ARHGEF11: variants seen among roughly 807,000 people sequenced by gnomAD.
ARHGEF11 encodes Rho guanine exchange factor (GEF) 11.
In ARHGEF11, 55 loss-of-function variants were observed where a neutral mutation model predicts 193.7. The ratio of observed to expected loss-of-function variants is 0.28; its 90% confidence interval spans 0.23 to 0.36. The LOEUF (loss-of-function observed/expected upper bound fraction) is 0.36, where lower values mean the gene tolerates loss of function less well. ARHGEF11 is among the 10% of genes least tolerant of loss of function. The probability of loss-of-function intolerance (pLI) is 1.00; values close to 1 mark genes in which losing one functional copy is unlikely to be tolerated. For synonymous variants in ARHGEF11, 693 were observed against 768.0 expected (o/e 0.90, Z 1.62); for missense variants, 1,723 against 2,005.6 (o/e 0.86, Z 2.69).
chr1:156,995,960 T>C (rs549310531), intron 1 of ARHGEF11, among the ~76,000 whole-genome samples: 2 of 152,290 alleles, frequency 1.3e-5, no homozygotes, highest in South Asian at 2.1e-4. Context: ...AATAAATATG[T>C]GTTGGAAGAT....
At chr1:156,944,216 C>T (rs933404737) in intron 31 of ARHGEF11, 114 bp from the exon 32 acceptor site, 1 of 1,437,542 alleles carries the variant, frequency 7.0e-7, no homozygotes, top group African/African-American at 1.4e-5. Flanking sequence ...GTCTGGTGAC[C>T]CCATTTCTCT....
chr1:156,950,798 C>T (rs1658971377), intron 22 of ARHGEF11, among the ~76,000 whole-genome samples: 1 of 152,210 alleles, frequency 6.6e-6, no homozygotes, highest in Non-Finnish European at 1.5e-5. Context: ...TTATTTCCCC[C>T]CACACAAGAC....
chr1:156,950,554 C>T (rs1054758186), intron 22 of ARHGEF11, among the ~76,000 whole-genome samples: 21 of 152,108 alleles, frequency 1.4e-4, no homozygotes, highest in African/African-American at 5.1e-4. Context: ...GTGGGAGGAT[C>T]CCTTGAACCC....
chr1:156,979,777 G>A (rs903746046), intron 4 of ARHGEF11, among the ~76,000 whole-genome samples: 1 of 152,206 alleles, frequency 6.6e-6, no homozygotes, highest in Non-Finnish European at 1.5e-5. Flanking sequence ...TATTTGTTCT[G>A]TCTCTCCAGC....
chr1:156,995,300 T>C (rs1042304435), intron 1 of ARHGEF11, among the ~76,000 whole-genome samples: 1 of 152,210 alleles, frequency 6.6e-6, no homozygotes, highest in East Asian at 1.9e-4. Context: ...TAGCAGGTCC[T>C]TGGGTGAGGG....
At chr1:156,947,512 T>C in intron 25 of ARHGEF11, 62 bp from the exon 26 acceptor site, 6 of 1,493,954 alleles carry the variant, frequency 4.0e-6, no homozygotes, top group Non-Finnish European at 5.3e-6. Context: ...AGCAAGTATC[T>C]AGAGTCCCTG....
chr1:157,013,259 T>TCACACACACACACACACACA (rs567488551), intron 1 of ARHGEF11, among the ~76,000 whole-genome samples: 7,340 of 109,320 alleles, frequency 0.067, 818 homozygotes, highest in Middle Eastern at 0.1. Context: ...CTCCCCACTA[T>TCACACACACACACACACACA]CACTCACACA....
At chr1:157,030,066 G>A (rs767370874) in intron 1 of ARHGEF11, among the ~76,000 whole-genome samples, 1 of 152,188 alleles carries the variant, frequency 6.6e-6, no homozygotes, top group African/African-American at 2.4e-5. Flanking sequence ...AAATTAGACA[G>A]TGATGATGGT....
chr1:157,004,383 CA>C (rs759868916), intron 1 of ARHGEF11, among the ~76,000 whole-genome samples: 2 of 152,204 alleles, frequency 1.3e-5, no homozygotes, highest in Non-Finnish European at 2.9e-5. Flanking sequence ...GCGGAAACCC[CA>C]AATCTCTGCT....
At position 156,973,778 on chromosome 1, in the gene ARHGEF11, T is replaced by C. The variant is rs188230559; in HGVS notation, c.583-1962A>G. The stretch of plus-strand genomic sequence containing the variant: ...TTCTCCTTCACCAATGGATAAGTTC[T>C]ACTGATTGGCCCTCTGACAAGTCTC... On this transcript the variant is annotated intron_variant, in intron 7 of 40. Transcript: ENST00000368194. 2.6e-5 allele frequency among the ~76,000 whole-genome samples: 4 copies of C among 152,342 alleles called. No homozygotes were observed. The East Asian group carries it at 7.7e-4, about 29-fold the overall frequency.
At chr1:156,951,269 G>A (rs1659054146) in intron 22 of ARHGEF11, among the ~76,000 whole-genome samples, 1 of 152,132 alleles carries the variant, frequency 6.6e-6, no homozygotes. Flanking sequence ...CTGATTAGCT[G>A]CTTTTTATCA....
intron 1 of ARHGEF11, among the ~76,000 whole-genome samples, chr1:157,035,033 G>T (rs938393900): frequency 6.6e-6 from 1 of 152,184 alleles, no homozygotes; most frequent in Non-Finnish European, 1.5e-5. Flanking sequence ...CCCGAAGCAG[G>T]GCGACAGGGT....
rs552099427 is a variant in ARHGEF11, at chr1:156,944,243, C to T, written c.3067+115G>A. The T allele has an allele frequency of 3.8e-5, 55 of 1,439,578 alleles. No individual in the cohort carries two copies. The South Asian group carries it at 6.8e-4, about 18-fold the overall frequency. The allele number at this position is 1,439,578 out of a possible 1,614,324, so 89.2% of individuals were successfully genotyped here. A position where few individuals can be genotyped will look rare whatever the true frequency, so the allele number is the denominator to read the frequency against. ...CATTTCTCTCTCTGATTATTCCCTT[C>T]CCATGTCCTGAGCTATCACCTCCAG... On this transcript the variant is annotated intron_variant, in intron 31 of 40. Coordinates refer to ENST00000368194, the MANE Select transcript of ARHGEF11 (RefSeq NM_198236.3).
At chr1:157,020,131 A>AG (rs1669791128) in intron 1 of ARHGEF11, among the ~76,000 whole-genome samples, 1 of 151,662 alleles carries the variant, frequency 6.6e-6, no homozygotes, top group Non-Finnish European at 1.5e-5. Context: ...CTCAGAAAAA[A>AG]AAAAAAAAGA....
At chr1:157,035,832 GGAA>G (rs1438080722) in intron 1 of ARHGEF11, among the ~76,000 whole-genome samples, 22 of 350 alleles carry the variant, frequency 0.063, no homozygotes, top group African/African-American at 0.12. Flanking sequence ...ATATATATAT[GGAA>G]TATATATATG....
intron 2 of ARHGEF11, among the ~76,000 whole-genome samples, 155 bp from the exon 3 acceptor site, chr1:156,984,592 T>A (rs6427340): frequency 6.6e-6 from 1 of 151,940 alleles, no homozygotes. Flanking sequence ...TAAACACTAT[T>A]GCAATGACAC....
chr1:156,990,771 C>T (rs1336924087), intron 1 of ARHGEF11, among the ~76,000 whole-genome samples: 2 of 152,146 alleles, frequency 1.3e-5, no homozygotes, highest in East Asian at 3.9e-4. Flanking sequence ...GTCCTTTTAA[C>T]ATGTCACCAT....
intron 1 of ARHGEF11, among the ~76,000 whole-genome samples, chr1:157,019,727 A>G (rs865953803): frequency 7.2e-5 from 11 of 152,350 alleles, no homozygotes; most frequent in Middle Eastern, 3.4e-3. Flanking sequence ...CCACTGCAAA[A>G]TAATTGTGTT....
intron 37 of ARHGEF11, 104 bp from the exon 38 acceptor site, chr1:156,938,617 G>A: frequency 1.1e-5 from 12 of 1,072,952 alleles, no homozygotes; most frequent in Non-Finnish European, 1.7e-5. Flanking sequence ...GGGACAGGGG[G>A]AGGAGAAAAT....
Sources: gnomAD v4.1 joint callset for allele counts (sites outside exome capture counted in the v4.1 genomes callset) on GRCh38, gnomAD v4.1.1 for gene constraint, MANE v1.5 for transcripts, NCBI Gene and HGNC (gene_info 2026-07-23, HGNC 2026-07-21) for gene names.